The following GALNT13 variants were observed in gnomAD, a reference collection of about 807,000 sequenced individuals.
GALNT13 encodes polypeptide N-acetylgalactosaminyltransferase 13.
In GALNT13, 28 loss-of-function variants were observed where a neutral mutation model predicts 64.2. The observed-to-expected ratio is 0.44, with a 90% confidence interval of 0.32 to 0.60. The LOEUF (loss-of-function observed/expected upper bound fraction) is 0.60, where lower values mean the gene tolerates loss of function less well. Ranked by LOEUF, GALNT13 falls within the 20% of genes least tolerant of loss-of-function variation. The pLI is 0.05. For missense variants in GALNT13, 577 were observed against 669.8 expected, an observed-to-expected ratio of 0.86 and a Z score of 1.53; for synonymous variants, 214 against 224.6, an observed-to-expected ratio of 0.95 and a Z score of 0.42.
At chr2:153,492,974 T>C in the GALNT13 span, among the ~76,000 whole-genome samples, 1 of 152,082 alleles carries the variant, frequency 6.6e-6, no homozygotes, top group African/African-American at 2.4e-5. Context: ...GAAAATTAAA[T>C]GCTCAAACTG....
At chr2:153,410,872 TTTAGAGAGAG>T in the GALNT13 span, among the ~76,000 whole-genome samples, 1 of 148,856 alleles carries the variant, frequency 6.7e-6, no homozygotes, top group Non-Finnish European at 1.5e-5. Context: ...TAAATATATA[TTTAGAGAGAG>T]AGAGAGAGAG....
At chr2:153,345,670 T>TCTTTCTTTCTTTCTTTCTTTCTTTCTTC in the GALNT13 span, among the ~76,000 whole-genome samples, 4 of 143,898 alleles carry the variant, frequency 2.8e-5, no homozygotes, top group African/African-American at 1.1e-4. Flanking sequence ...TTTCTTTCTT[T>TCTTTCTTTCTTTCTTTCTTTCTTTCTTC]CTTTCTTTCT....
the GALNT13 span, among the ~76,000 whole-genome samples, chr2:153,221,100 A>G: frequency 2.1e-4 from 32 of 152,306 alleles, no homozygotes; most frequent in Non-Finnish European, 1.0e-4. Flanking sequence ...ACATTTACCT[A>G]TGTAACAAAC....
chr2:153,913,581 C>A (rs746567264), intron 2 of GALNT13, among the ~76,000 whole-genome samples: 2 of 152,156 alleles, frequency 1.3e-5, no homozygotes, highest in East Asian at 1.9e-4. Context: ...TAACACTTTT[C>A]TAAGTTACTC....
intron 4 of GALNT13, among the ~76,000 whole-genome samples, chr2:154,192,070 G>C (rs1161873535): frequency 1.3e-5 from 2 of 152,188 alleles, no homozygotes; most frequent in African/African-American, 4.8e-5. Flanking sequence ...GTTTTCCCCT[G>C]GAGTCGGGCT....
chr2:153,645,155 T>C, the GALNT13 span, among the ~76,000 whole-genome samples: 1 of 152,254 alleles, frequency 6.6e-6, no homozygotes, highest in East Asian at 1.9e-4. Flanking sequence ...TTACATCTTA[T>C]AAGAATATGA....
intron 4 of GALNT13, among the ~76,000 whole-genome samples, chr2:154,221,852 A>G (rs1688343284): frequency 6.6e-6 from 1 of 152,104 alleles, no homozygotes; most frequent in Admixed American, 6.6e-5. Flanking sequence ...ACCGTTCATT[A>G]ATGTTTGAAA....
intron 3 of GALNT13, among the ~76,000 whole-genome samples, chr2:153,974,886 A>T (rs769209388): frequency 6.6e-6 from 1 of 152,020 alleles, no homozygotes; most frequent in Non-Finnish European, 1.5e-5. Context: ...TGTCTTTGTG[A>T]TGTAAAATAG....
intron 9 of GALNT13, among the ~76,000 whole-genome samples, chr2:154,375,404 T>A (rs1697931405): frequency 6.6e-6 from 1 of 152,106 alleles, no homozygotes; most frequent in Non-Finnish European, 1.5e-5. Context: ...AGCATCACCC[T>A]CCGGAAAAAC....
At chr2:154,224,097 C>T (rs1270432177) in intron 4 of GALNT13, among the ~76,000 whole-genome samples, 1 of 151,840 alleles carries the variant, frequency 6.6e-6, no homozygotes, top group Non-Finnish European at 1.5e-5. Context: ...ATTATAAAAG[C>T]CCTTTATAAA....
the GALNT13 span, among the ~76,000 whole-genome samples, chr2:153,124,871 G>A: frequency 1.3e-5 from 2 of 152,152 alleles, no homozygotes; most frequent in Admixed American, 6.5e-5. Flanking sequence ...AACAAATACG[G>A]CAAGTTTTGC....
chr2:153,715,257 G>A, the GALNT13 span, among the ~76,000 whole-genome samples: 1 of 152,222 alleles, frequency 6.6e-6, no homozygotes, highest in Admixed American at 6.5e-5. Context: ...GTGTGCCTAA[G>A]TGTTAATTGC....
At chr2:153,681,497 G>A in the GALNT13 span, among the ~76,000 whole-genome samples, 1 of 151,682 alleles carries the variant, frequency 6.6e-6, no homozygotes, top group Non-Finnish European at 1.5e-5. Flanking sequence ...CTACAAATAT[G>A]TTTATCTCCC....
the GALNT13 span, among the ~76,000 whole-genome samples, chr2:153,367,636 C>T: frequency 3.3e-5 from 5 of 151,978 alleles, no homozygotes; most frequent in African/African-American, 1.2e-4. Flanking sequence ...CAAGCCTTGC[C>T]GACACCATGA....
rs1691693021 is a variant in GALNT13, at chr2:154,277,126, CATGA to C, written c.975+17994_975+17997del. On this transcript the variant is annotated intron_variant, in intron 8 of 12. Transcript: ENST00000392825. ...CTTTTGTTTTCCCTATGGAAGATTA[CATGA>C]ATGAAGTATTACTAAAGCATTACAT... is the stretch of plus-strand genomic sequence containing the variant. Among the ~76,000 whole-genome samples the C allele has an allele frequency of 2.6e-5, 4 of 152,222 alleles. No individual in the cohort carries two copies. In the South Asian group the frequency reaches 8.3e-4, roughly 32 times the overall value.
intron 3 of GALNT13, among the ~76,000 whole-genome samples, chr2:154,088,454 T>G (rs1701640872): frequency 6.6e-6 from 1 of 152,164 alleles, no homozygotes; most frequent in Non-Finnish European, 1.5e-5. Flanking sequence ...GCTTATTTCT[T>G]TATTTATATA....
intron 4 of GALNT13, among the ~76,000 whole-genome samples, chr2:154,201,069 A>G (rs779464793): frequency 3.4e-4 from 51 of 152,216 alleles, no homozygotes; most frequent in Non-Finnish European, 6.3e-4. Flanking sequence ...TAGTCACATC[A>G]AGTGGTATAT....
chr2:153,708,350 G>A, the GALNT13 span, among the ~76,000 whole-genome samples: 13 of 152,148 alleles, frequency 8.5e-5, 1 homozygote, highest in Admixed American at 7.9e-4. Flanking sequence ...GTGTATGTGA[G>A]AGGGTGAGTG....
At chr2:153,713,019 C>T in the GALNT13 span, among the ~76,000 whole-genome samples, 1 of 152,158 alleles carries the variant, frequency 6.6e-6, no homozygotes, top group Non-Finnish European at 1.5e-5. Context: ...AACCTGTTGT[C>T]CAACTGTATA....
Sources: gnomAD v4.1 joint callset for allele counts (sites outside exome capture counted in the v4.1 genomes callset) on GRCh38, gnomAD v4.1.1 for gene constraint, MANE v1.5 for transcripts, NCBI Gene and HGNC (gene_info 2026-07-23, HGNC 2026-07-21) for gene names.